MTIF3: variants seen among roughly 807,000 people sequenced by gnomAD.
The protein encoded by MTIF3 is translation initiation factor IF-3, mitochondrial.
In MTIF3, 13 loss-of-function variants were observed where a neutral mutation model predicts 20.7. The ratio of observed to expected loss-of-function variants is 0.63; its 90% CI spans 0.41 to 1.00. MTIF3 has a LOEUF of 1.00. MTIF3 is among the 50% of genes least tolerant of loss of function. MTIF3 has a pLI of 0.00. For synonymous variants in MTIF3, 114 were observed against 112.5 expected (o/e 1.01, Z -0.08); for missense variants, 295 against 324.5 (o/e 0.91, Z 0.70).
At chr13:27,442,045 CTT>C (rs567906672) in intron 2 of MTIF3, among the ~76,000 whole-genome samples, 2 of 152,204 alleles carry the variant, frequency 1.3e-5, no homozygotes, top group Non-Finnish European at 2.9e-5. Flanking sequence ...AGTCTCTTCT[CTT>C]GAGTTCCACA....
intron 2 of MTIF3, among the ~76,000 whole-genome samples, chr13:27,442,319 ACTG>A (rs1358288184): frequency 6.6e-6 from 1 of 151,990 alleles, no homozygotes; most frequent in Non-Finnish European, 1.5e-5. Context: ...CACCTTCTCT[ACTG>A]CTATCATCCC....
intron 4 of MTIF3, 85 bp from the exon 5 acceptor site, chr13:27,435,978 T>G: frequency 2.7e-6 from 3 of 1,115,532 alleles, no homozygotes; most frequent in Non-Finnish European, 4.0e-6. Context: ...TCACAAAAAC[T>G]GGCACCCTTG....
chr13:27,437,336 C>T, intron 3 of MTIF3, 63 bp from the exon 4 acceptor site: 1 of 1,435,134 alleles, frequency 7.0e-7, no homozygotes, highest in Non-Finnish European at 9.5e-7. Context: ...CTGAACTTCC[C>T]AACATGCCCA....
intron 2 of MTIF3, among the ~76,000 whole-genome samples, chr13:27,442,474 G>GT (rs1277015086): frequency 5.9e-5 from 9 of 152,108 alleles, no homozygotes; most frequent in Admixed American, 5.9e-4. Flanking sequence ...TTAAAAATGC[G>GT]TAAGTCAGAT....
intron 4 of MTIF3, among the ~76,000 whole-genome samples, chr13:27,436,612 T>C (rs1239027362): frequency 3.9e-5 from 6 of 152,150 alleles, no homozygotes; most frequent in Admixed American, 3.9e-4. Flanking sequence ...AATGTGTTCA[T>C]ATGGCAAAAT....
At chr13:27,444,236 G>A (rs1030812664) in intron 2 of MTIF3, among the ~76,000 whole-genome samples, 1 of 152,090 alleles carries the variant, frequency 6.6e-6, no homozygotes, top group Non-Finnish European at 1.5e-5. Context: ...AACCCGGGAG[G>A]CGGAGCTAGC....
intron 2 of MTIF3, 35 bp downstream of exon 2, chr13:27,445,051 TGC>T (rs1161282235): frequency 1.3e-5 from 2 of 152,220 alleles, no homozygotes; most frequent in Non-Finnish European, 2.9e-5. Context: ...CTTTGAAAAT[TGC>T]TAATTAAATA....
At chr13:27,448,305 T>C (rs750892937) in intron 1 of MTIF3, among the ~76,000 whole-genome samples, 2 of 152,224 alleles carry the variant, frequency 1.3e-5, no homozygotes, top group South Asian at 2.1e-4. Context: ...TCCTGGGAGA[T>C]TGGATCAAAG....
intron 1 of MTIF3, among the ~76,000 whole-genome samples, chr13:27,446,082 G>A (rs1566088327): frequency 1.3e-5 from 2 of 151,874 alleles, no homozygotes; most frequent in South Asian, 2.1e-4. Context: ...TTTGAGACAG[G>A]TTCTCACTCT....
At chr13:27,438,481 CTGTTTT>C (rs1953870940) in intron 3 of MTIF3, among the ~76,000 whole-genome samples, 1 of 52,066 alleles carries the variant, frequency 1.9e-5, no homozygotes, top group East Asian at 6.8e-4. Context: ...CAGAGCAAGA[CTGTTTT>C]TTTTTTTTTT....
intron 3 of MTIF3, among the ~76,000 whole-genome samples, chr13:27,438,492 T>TTTTG (rs1953875100): frequency 4.1e-5 from 2 of 48,494 alleles, no homozygotes; most frequent in African/African-American, 1.0e-4. Flanking sequence ...TGTTTTTTTT[T>TTTTG]TTTTTTTTTT....
intron 1 of MTIF3, among the ~76,000 whole-genome samples, chr13:27,446,046 T>C (rs1954172481): frequency 6.6e-6 from 1 of 150,816 alleles, no homozygotes; most frequent in Non-Finnish European, 1.5e-5. Flanking sequence ...TAGAGACGTA[T>C]TGTTAATTTT....
At chr13:27,448,975 A>T (rs1954265897) in intron 1 of MTIF3, among the ~76,000 whole-genome samples, 1 of 111,552 alleles carries the variant, frequency 9.0e-6, no homozygotes, top group African/African-American at 3.6e-5. Context: ...CGGGAAGCAG[A>T]GGTTGCAATG....
rs1295297683 is a variant in MTIF3 at position 27,439,999 on chromosome 13, G to A, written c.450C>T (p.Asn150=). 1.9e-6 allele frequency: 3 copies of A among 1,613,326 alleles called. No individual in the cohort carries two copies. The highest frequency in any genetic ancestry group is 1.1e-5 in the South Asian group (1 of 91,074). Residue 150 remains asparagine (N), a synonymous_variant, in exon 3 of 5, where the codon AAC becomes AAT. Coordinates refer to ENST00000381120, the MANE Select transcript of MTIF3 (RefSeq NM_152912.5). ...CAGCAAAATACCTACCAGTTTTGGG[G>A]TTCGCCTTCTCCATCTCCCTCAGCC... ...RQRLREMEKA[N]PKTGPTLRKE... is the part of the protein sequence containing the mutation.
At chr13:27,437,315 C>T (rs751800625) in intron 3 of MTIF3, 42 bp from the exon 4 acceptor site, 1 of 1,560,260 alleles carries the variant, frequency 6.4e-7, no homozygotes, top group Non-Finnish European at 8.7e-7. Flanking sequence ...CTGACTAGTC[C>T]ACTGTGAACC....
At chr13:27,442,642 C>G (rs950048736) in intron 2 of MTIF3, among the ~76,000 whole-genome samples, 1 of 152,136 alleles carries the variant, frequency 6.6e-6, no homozygotes, top group African/African-American at 2.4e-5. Context: ...GAACACACCC[C>G]TCCTCTGGGT....
rs1954134432 is a variant in MTIF3, at chr13:27,445,080, T to G, written c.-2+8A>C. 6.6e-6 allele frequency: 1 copy of G among 152,242 alleles called. No homozygotes were observed. Among genetic ancestry groups the G allele is most frequent in the African/African-American group, 2.4e-5 (1 of 41,454 alleles). 9.4% of individuals were successfully genotyped at this position (152,242 alleles called of 1,614,324 possible). The stretch of plus-strand genomic sequence containing the variant: ...AATTAAATAAAAAGAACTGAGCATT[T>G]ATCCTACCTTTTTTAGGAAGAACTG... On this transcript the variant is annotated splice_region_variant and intron_variant, in intron 2 of 4. Transcript: ENST00000381120.
chr13:27,436,008 G>A (rs1593183234), intron 4 of MTIF3, 115 bp from the exon 5 acceptor site: 1 of 745,968 alleles, frequency 1.3e-6, no homozygotes, highest in East Asian at 2.7e-5. Context: ...TGTCGGTTAA[G>A]TGATTAGCTA....
At chr13:27,444,786 A>T (rs2138159520) in intron 2 of MTIF3, among the ~76,000 whole-genome samples, 1 of 152,312 alleles carries the variant, frequency 6.6e-6, no homozygotes, top group South Asian at 2.1e-4. Flanking sequence ...TATTCACAAT[A>T]TTATCCCAAT....
Sources: gnomAD v4.1 joint callset for allele counts (sites outside exome capture counted in the v4.1 genomes callset) on GRCh38, gnomAD v4.1.1 for gene constraint, MANE v1.5 for transcripts, NCBI Gene and HGNC (gene_info 2026-07-23, HGNC 2026-07-21) for gene names.